Variants in CHEK1 observed in about 807,000 individuals in gnomAD.
The protein encoded by CHEK1 is serine/threonine-protein kinase Chk1.
Under a neutral mutation model 60.2 loss-of-function variants are expected in CHEK1, and 32 were observed. That is an observed-to-expected ratio of 0.53 (90% confidence interval 0.40 to 0.71). CHEK1 has a LOEUF of 0.71. Among genes scored for constraint, CHEK1 ranks in the 30% least tolerant of loss-of-function variants. The pLI is 0.00. For synonymous variants in CHEK1, 179 were observed against 187.2 expected, an observed-to-expected ratio of 0.96 and a Z score of 0.36; for missense variants, 399 against 564.6, an observed-to-expected ratio of 0.71 and a Z score of 2.97.
chr11:125,639,312 AT>A (rs1260315964), intron 8 of CHEK1, among the ~76,000 whole-genome samples: 5 of 150,302 alleles, frequency 3.3e-5, no homozygotes, highest in Non-Finnish European at 5.9e-5. Context: ...GCTTCCTGGC[AT>A]TTGGCCTTCG....
At chr11:125,640,472 G>A (rs1941249514) in intron 8 of CHEK1, among the ~76,000 whole-genome samples, 1 of 147,714 alleles carries the variant, frequency 6.8e-6, no homozygotes, top group African/African-American at 2.5e-5. Flanking sequence ...ACCCCGGGGG[G>A]CGGAGCTTGC....
chr11:125,625,787 T>C lies in CHEK1; in HGVS notation c.-246T>C, dbSNP rs1468720991. On this transcript the variant is annotated 5_prime_UTR_variant, in exon 1 of 13. Coordinates refer to ENST00000438015, the MANE Select transcript of CHEK1 (RefSeq NM_001114122.3). The stretch of plus-strand genomic sequence containing the variant: ...TGCGGTCCGCCGTCCTTAAATCTCT[T>C]CAGCCAGGATCTCTCCCCGACTGCA... 1.4e-6 allele frequency: 1 copy of C among 698,856 alleles called. No homozygotes were observed. The highest frequency in any genetic ancestry group is 2.6e-6 in the Non-Finnish European group (1 of 381,968). The allele number at this position is 698,856 out of a possible 1,614,324, so 43.3% of individuals were successfully genotyped here.
chr11:125,637,897 TAG>T (rs1293070983), intron 8 of CHEK1, among the ~76,000 whole-genome samples: 1 of 152,172 alleles, frequency 6.6e-6, no homozygotes, highest in Non-Finnish European at 1.5e-5. Flanking sequence ...TCTTAGATTT[TAG>T]AAAGTCTGAT....
At chr11:125,672,284 A>G (rs2134099973) in intron 13 of CHEK1, 1 of 250,146 alleles carries the variant, frequency 4.0e-6, no homozygotes, top group Non-Finnish European at 7.6e-6. Flanking sequence ...GCTCATGTTG[A>G]CCCTGCAACT....
rs951896323 is a variant in CHEK1 at position 125,657,052 on chromosome 11, G to A, written c.*1732G>A. ...CAGAAAGGCATTCTGTAAATAATAA[G>A]TTGCCTTAATTTTCCTGTAATGTTC... On this transcript the variant is annotated 3_prime_UTR_variant, in exon 13 of 13. Coordinates refer to ENST00000438015, the MANE Select transcript of CHEK1 (RefSeq NM_001114122.3). 3 of 185,328 alleles carry A rather than the reference G, an allele frequency of 1.6e-5. No individual in the cohort carries two copies. The highest frequency in any genetic ancestry group is 2.3e-5 in the African/African-American group (1 of 42,628). The allele number at this position is 185,328 out of a possible 1,614,324, so 11.5% of individuals were successfully genotyped here. A position where few individuals can be genotyped will look rare whatever the true frequency, so the allele number is the denominator to read the frequency against.
At chr11:125,651,442 C>T (rs1941729164) in intron 11 of CHEK1, among the ~76,000 whole-genome samples, 1 of 151,976 alleles carries the variant, frequency 6.6e-6, no homozygotes, top group Non-Finnish European at 1.5e-5. Flanking sequence ...CGCCTGCCAC[C>T]ACACCCTACT....
Position 125,629,427 on chromosome 11 carries a change from A to G in CHEK1, c.391A>G (p.Ile131Val). The G allele has an allele frequency of 6.2e-7, 1 of 1,613,554 alleles. No homozygotes were observed. Among genetic ancestry groups the G allele is most frequent in the Non-Finnish European group, 8.5e-7 (1 of 1,179,622 alleles). Residue 131 changes from isoleucine to valine, a missense_variant, in exon 5 of 13, where the codon ATT becomes GTT. Physicochemically the swap from Ile to Val is conservative, Grantham distance 29. Transcript: ENST00000438015. The part of the protein sequence containing the change: ...LHGIGITHRD[I>V]KPENLLLDER... ...TGGTATTGGAATAACTCACAGGGAT[A>G]TTAAACCAGAAAATCTTCTGTTGGA...
intron 8 of CHEK1, among the ~76,000 whole-genome samples, chr11:125,638,055 G>C (rs569664633): frequency 6.6e-6 from 1 of 152,184 alleles, no homozygotes; most frequent in African/African-American, 2.4e-5. Flanking sequence ...AAGTGGGAGA[G>C]GAAGACAGGT....
chr11:125,656,605 T>C lies in CHEK1; in HGVS notation c.*1285T>C, dbSNP rs997748107. 4.7e-6 allele frequency: 1 copy of C among 213,624 alleles called. No homozygotes were observed. The highest frequency in any genetic ancestry group is 2.3e-5 in the African/African-American group (1 of 44,274). The allele number at this position is 213,624 out of a possible 1,614,324, so 13.2% of individuals were successfully genotyped here. ...GGAGAAATTTTGTTCTTGAGAATTA[T>C]CTGAGTCATTAATATTTTTCAAAAA... On this transcript the variant is annotated 3_prime_UTR_variant, in exon 13 of 13. Coordinates refer to ENST00000438015, the MANE Select transcript of CHEK1 (RefSeq NM_001114122.3).
downstream of CHEK1, among the ~76,000 whole-genome samples, chr11:125,661,253 C>G (rs1050039704): frequency 1.3e-5 from 2 of 151,936 alleles, no homozygotes; most frequent in African/African-American, 4.8e-5. Context: ...TACTTTGGTT[C>G]CACTGGATTT....
rs143671205 is a variant in CHEK1, at chr11:125,668,114, T to C, written c.*28-7814T>C. On this transcript the variant is annotated intron_variant, in intron 13 of 13. Transcript: ENST00000428830. ...TTAACAGAAATGAGGGTATTTAACA[T>C]TGATATAACACTATTGTCTAGTTCA... 6.8e-4 allele frequency among the ~76,000 whole-genome samples: 104 copies of C among 152,334 alleles called. No individual in the cohort carries two copies. In the East Asian group the frequency reaches 0.018, roughly 26 times the overall value.
In CHEK1 at chr11:125,646,596, G is replaced by A. The variant is rs571814372; in HGVS notation, c.1233+1953G>A. On this transcript the variant is annotated intron_variant, in intron 11 of 12. Transcript: ENST00000438015. ...ACCATTTTACGTTCCCATCAGTAAT[G>A]TAAGAGGGTTCCAATTTCTCTACAA... Among the ~76,000 whole-genome samples, 17 of 152,292 alleles carry A rather than the reference G, an allele frequency of 1.1e-4. 1 individual carries two copies. Among genetic ancestry groups the A allele is most frequent in the African/African-American group, 3.8e-4 (16 of 41,584 alleles).
At chr11:125,645,088 T>G (rs566071208) in intron 11 of CHEK1, among the ~76,000 whole-genome samples, 1 of 152,334 alleles carries the variant, frequency 6.6e-6, no homozygotes, top group South Asian at 2.1e-4. Context: ...TTCTTTACTT[T>G]AAGAAATAAT....
At chr11:125,639,322 C>T (rs1240092825) in intron 8 of CHEK1, among the ~76,000 whole-genome samples, 1 of 150,132 alleles carries the variant, frequency 6.7e-6, no homozygotes, top group Non-Finnish European at 1.5e-5. Flanking sequence ...ATTTGGCCTT[C>T]GTTTCCCCAC....
At chr11:125,658,718 CTTG>C (rs765929369), downstream of CHEK1, among the ~76,000 whole-genome samples, 121 of 67,148 alleles carry the variant, frequency 1.8e-3, no homozygotes, top group Admixed American at 3.0e-3. Flanking sequence ...TTTTAAGAGT[CTTG>C]TTGTGTCTCC....
intron 13 of CHEK1, among the ~76,000 whole-genome samples, chr11:125,663,024 A>G (rs1426677972): frequency 1.3e-5 from 2 of 151,792 alleles, no homozygotes; most frequent in Admixed American, 6.6e-5. Context: ...CTTTGGTGAA[A>G]TATCTCTTCA....
At position 125,653,440 on chromosome 11, in the gene CHEK1, G is replaced by A. The variant is rs1274359099; in HGVS notation, c.1234-306G>A. ...TATGTTGCCCAGCCTGGTCTGAAGCGATCCTTCTGCTTTGGCCTCCCAAAG... is the reference window on the plus strand; with the variant it reads ...TATGTTGCCCAGCCTGGTCTGAAGCAATCCTTCTGCTTTGGCCTCCCAAAG... On this transcript the variant is annotated intron_variant, in intron 11 of 12. Transcript: ENST00000438015. This position sits in a 1 kb window ranked among gnomAD's most constrained non-coding sequence, Gnocchi z 4.3. 2.0e-5 allele frequency among the ~76,000 whole-genome samples: 3 copies of A among 152,078 alleles called. No homozygotes were observed. The highest frequency in any genetic ancestry group is 1.9e-4 in the East Asian group (1 of 5,168).
chr11:125,676,429 T>C, downstream of CHEK1: 1 of 1,614,072 alleles, frequency 6.2e-7, no homozygotes, highest in Non-Finnish European at 8.5e-7. Flanking sequence ...CACGAAGACA[T>C]TTTCCTTGAT....
intron 13 of CHEK1, chr11:125,672,805 G>T: frequency 6.6e-7 from 1 of 1,513,218 alleles, no homozygotes; most frequent in East Asian, 2.3e-5. Flanking sequence ...CTCCATGCAG[G>T]ATGGTCAAGA....
Sources: gnomAD v4.1 joint callset for allele counts (sites outside exome capture counted in the v4.1 genomes callset) on GRCh38, gnomAD v4.1.1 for gene constraint, Gnocchi (gnomAD v3.1) non-coding constraint, MANE v1.5 for transcripts, NCBI Gene and HGNC (gene_info 2026-07-23, HGNC 2026-07-21) for gene names.